The following MAD1L1 variants were observed in gnomAD, a reference collection of about 807,000 sequenced individuals.
MAD1L1 encodes the protein mitotic arrest deficient 1 like 1, also known as mitotic spindle assembly checkpoint protein MAD1.
In MAD1L1, 95 loss-of-function variants were observed where a neutral mutation model predicts 96.9. The ratio of observed to expected loss-of-function variants is 0.98; its 90% CI spans 0.83 to 1.16. The LOEUF (loss-of-function observed/expected upper bound fraction) is 1.16. MAD1L1 is among the 50% of genes most tolerant of loss of function. MAD1L1 has a pLI of 0.00. For missense variants in MAD1L1, 1,007 were observed against 954.4 expected (o/e 1.06, Z -0.73); for synonymous variants, 473 against 396.6 (o/e 1.19, Z -2.29).
rs1201566508 is a variant in MAD1L1, at chr7:2,200,528, CCGAT to C, written c.986+12680_986+12683del. The C allele has an allele frequency of 3.9e-5, 6 of 152,294 alleles. No individual in the cohort carries two copies. In the East Asian group the frequency reaches 9.6e-4, roughly 24 times the overall value. The allele number at this position is 152,294 out of a possible 1,614,324, so 9.4% of individuals were successfully genotyped here. A position where few individuals can be genotyped will look rare whatever the true frequency, so the allele number is the denominator to read the frequency against. ...CAGGTAAGACACGCACACGGTACTT[CCGAT>C]CGTGGGAGATCAGAGCTCTCTGCAC... On this transcript the variant is annotated intron_variant, in intron 10 of 18. Coordinates refer to ENST00000265854, the MANE Select transcript of MAD1L1 (RefSeq NM_001013836.2).
intron 12 of MAD1L1, among the ~76,000 whole-genome samples, chr7:2,060,775 A>T (rs961551639): frequency 2.0e-5 from 3 of 152,266 alleles, no homozygotes; most frequent in Non-Finnish European, 2.9e-5. Context: ...GAACAAAAGC[A>T]GCAACATATA....
chr7:1,962,095 G>T (rs748975920), intron 15 of MAD1L1, among the ~76,000 whole-genome samples: 1 of 152,102 alleles, frequency 6.6e-6, no homozygotes, highest in Non-Finnish European at 1.5e-5. Context: ...GGGAGATAAT[G>T]AATCATAGGG....
intron 18 of MAD1L1, among the ~76,000 whole-genome samples, chr7:1,873,935 A>G (rs1489238989): frequency 6.7e-6 from 1 of 149,956 alleles, no homozygotes; most frequent in Non-Finnish European, 1.5e-5. Context: ...TGGAGCACAC[A>G]GGCCCAGGCT....
Position 2,216,307 on chromosome 7 carries a change from G to C in MAD1L1, c.679-20C>G. ...CAGATCCTGATGGAGGCCAGGGACAGAGAAGAAGGGAAAAATGAGCCACGA... is the reference window on the plus strand; with the variant it reads ...CAGATCCTGATGGAGGCCAGGGACACAGAAGAAGGGAAAAATGAGCCACGA... On this transcript the variant is annotated intron_variant, in intron 7 of 18. Coordinates refer to ENST00000265854, the MANE Select transcript of MAD1L1 (RefSeq NM_001013836.2). 1 of 1,606,660 alleles carries C rather than the reference G, an allele frequency of 6.2e-7. No homozygotes were observed. The highest frequency in any genetic ancestry group is 8.5e-7 in the Non-Finnish European group (1 of 1,177,880).
chr7:1,946,730 C>T (rs1779245655), intron 16 of MAD1L1, among the ~76,000 whole-genome samples: 1 of 152,232 alleles, frequency 6.6e-6, no homozygotes, highest in Non-Finnish European at 1.5e-5. Flanking sequence ...TCTGTCCAAG[C>T]TCCCCTCCAG....
At chr7:2,042,891 C>A (rs1226993246) in intron 12 of MAD1L1, among the ~76,000 whole-genome samples, 1 of 118,314 alleles carries the variant, frequency 8.5e-6, no homozygotes, top group Admixed American at 8.7e-5. Context: ...ATGTCCACGT[C>A]CACGTCCACG....
chr7:1,893,197 C>A (rs980821554), intron 18 of MAD1L1, among the ~76,000 whole-genome samples: 1 of 152,170 alleles, frequency 6.6e-6, no homozygotes, highest in Admixed American at 6.5e-5. Flanking sequence ...TTCCCCCAAA[C>A]GGCAGCCCAG....
intron 11 of MAD1L1, among the ~76,000 whole-genome samples, chr7:2,111,925 A>G (rs1225598232): frequency 6.6e-6 from 1 of 152,250 alleles, no homozygotes; most frequent in Non-Finnish European, 1.5e-5. Flanking sequence ...TGCTCAAGGA[A>G]AAGTAAGAGT....
At chr7:1,839,826 G>A (rs1783147635) in intron 18 of MAD1L1, among the ~76,000 whole-genome samples, 1 of 151,860 alleles carries the variant, frequency 6.6e-6, no homozygotes. Flanking sequence ...CTTGGGAGGT[G>A]GGGCAGCTGG....
In MAD1L1 at chr7:1,886,424, A is replaced by C. The variant is rs181182828; in HGVS notation, c.1998+11776T>G. On this transcript the variant is annotated intron_variant, in intron 18 of 18. Coordinates refer to ENST00000265854, the MANE Select transcript of MAD1L1 (RefSeq NM_001013836.2). ...ATCTGAGAGTGATAAATCCTGTGCA[A>C]ATCTCAGCCTGTGTCAACACGCCCC... Among the ~76,000 whole-genome samples the C allele has an allele frequency of 1.8e-3, 271 of 152,330 alleles. 1 individual carries two copies. The highest frequency in any genetic ancestry group is 6.4e-3 in the African/African-American group (266 of 41,576).
At chr7:1,883,461 C>T (rs911153893) in intron 18 of MAD1L1, among the ~76,000 whole-genome samples, 2 of 152,198 alleles carry the variant, frequency 1.3e-5, no homozygotes, top group African/African-American at 2.4e-5. Flanking sequence ...TGCCCATGCC[C>T]GCAGGATGCC....
Position 1,889,437 on chromosome 7 carries a change from C to G in MAD1L1, c.1998+8763G>C, listed in dbSNP as rs922326794. Among the ~76,000 whole-genome samples, 7 of 152,358 alleles carry G rather than the reference C, an allele frequency of 4.6e-5. No individual in the cohort carries two copies. The East Asian group carries it at 1.4e-3, about 29-fold the overall frequency. ...TACTGCTAGGGTCCCTCAGGAGGAC[C>G]CCAGCAGCTCTGGACCCTAGGCCAG... On this transcript the variant is annotated intron_variant, in intron 18 of 18. Coordinates refer to ENST00000265854, the MANE Select transcript of MAD1L1 (RefSeq NM_001013836.2).
At chr7:1,973,305 T>A (rs1203989175) in intron 15 of MAD1L1, among the ~76,000 whole-genome samples, 1 of 152,212 alleles carries the variant, frequency 6.6e-6, no homozygotes, top group African/African-American at 2.4e-5. Context: ...CTTGTGTACA[T>A]CTAGGAGTGC....
intron 18 of MAD1L1, chr7:1,838,694 C>T (rs1361548090): frequency 4.4e-6 from 2 of 450,826 alleles, no homozygotes; most frequent in Non-Finnish European, 4.7e-6. Context: ...CTATGGGGCA[C>T]GTTTCCTTCC....
intron 12 of MAD1L1, among the ~76,000 whole-genome samples, chr7:2,063,171 A>G (rs759006873): frequency 6.6e-6 from 1 of 152,246 alleles, no homozygotes; most frequent in Non-Finnish European, 1.5e-5. Flanking sequence ...TATGTTCTAT[A>G]TGATCTTTGC....
chr7:2,180,600 G>A (rs1325050188), intron 10 of MAD1L1, among the ~76,000 whole-genome samples: 63 of 152,278 alleles, frequency 4.1e-4, no homozygotes, highest in South Asian at 4.1e-4. Context: ...GCTTGTTTCT[G>A]TAGCATCTGA....
chr7:1,817,975 C>A (rs1164533418), intron 18 of MAD1L1, among the ~76,000 whole-genome samples: 1 of 151,290 alleles, frequency 6.6e-6, no homozygotes, highest in Admixed American at 6.6e-5. Context: ...GAGCCGTCCC[C>A]GTGCCCTCCC....
At chr7:2,059,542 G>A (rs1426694656) in intron 12 of MAD1L1, among the ~76,000 whole-genome samples, 1 of 151,146 alleles carries the variant, frequency 6.6e-6, no homozygotes, top group Non-Finnish European at 1.5e-5. Context: ...GGGGAGAGGA[G>A]AGGCAAGGGG....
intron 18 of MAD1L1, among the ~76,000 whole-genome samples, chr7:1,865,559 T>A (rs977999433): frequency 6.6e-6 from 1 of 152,326 alleles, no homozygotes; most frequent in East Asian, 1.9e-4. Flanking sequence ...AGATGAGTCT[T>A]TTTACGATGC....
Sources: gnomAD v4.1 joint callset for allele counts (sites outside exome capture counted in the v4.1 genomes callset) on GRCh38, gnomAD v4.1.1 for gene constraint, MANE v1.5 for transcripts, NCBI Gene and HGNC (gene_info 2026-07-23, HGNC 2026-07-21) for gene names.